The following WRAP53 variants were observed in gnomAD, a reference collection of about 807,000 sequenced individuals.
WRAP53 encodes WD repeat containing antisense to TP53, also known as telomerase Cajal body protein 1.
Under a neutral mutation model 56.6 loss-of-function variants are expected in WRAP53, and 28 were observed. That is an observed-to-expected ratio of 0.50 (90% CI 0.37 to 0.68). The LOEUF (loss-of-function observed/expected upper bound fraction) is 0.68. WRAP53 is among the 30% of genes least tolerant of loss of function. The pLI is 0.00. For missense variants in WRAP53, 671 were observed against 715.5 expected, an observed-to-expected ratio of 0.94 and a Z score of 0.71; for synonymous variants, 283 against 283.4, an observed-to-expected ratio of 1.00 and a Z score of 0.01.
chr17:7,691,914 G>T (rs1056197858), intron 4 of WRAP53, among the ~76,000 whole-genome samples: 5 of 151,752 alleles, frequency 3.3e-5, no homozygotes, highest in Non-Finnish European at 1.5e-5. Flanking sequence ...TCAGCTCACC[G>T]CAACCTCCGC....
chr17:7,696,290 A>ATTTTTTTTTT (rs35901058), intron 4 of WRAP53, among the ~76,000 whole-genome samples: 1 of 79,924 alleles, frequency 1.3e-5, no homozygotes, highest in Non-Finnish European at 2.3e-5. Context: ...GGACTCAGAG[A>ATTTTTTTTTT]TTTTTTTTTT....
intron 4 of WRAP53, among the ~76,000 whole-genome samples, 197 bp from the exon 5 acceptor site, chr17:7,700,544 T>TAATA (rs1440938748): frequency 6.8e-6 from 1 of 147,714 alleles, no homozygotes; most frequent in Non-Finnish European, 1.5e-5. Flanking sequence ...TGTCTCAAAA[T>TAATA]AATAAAAAAA....
chr17:7,702,415 GGCTCCTACGGCC>G lies in WRAP53; in HGVS notation c.1033_1044del (p.Tyr345_Ser348del). On this transcript the variant is annotated inframe_deletion, in exon 8 of 11. Coordinates refer to ENST00000396463, the MANE Select transcript of WRAP53 (RefSeq NM_001143992.2). This position sits in a 1 kb window ranked among gnomAD's most constrained non-coding sequence, Gnocchi z 5.0. ...CCCAGCCCAGCCCCTCTATGCCTGT[GGCTCCTACGGCC>G]GCTCCCTGGGTCTGTATGCCTGGGA... 1 of 1,614,142 alleles carries G rather than the reference GGCTCCTACGGCC, an allele frequency of 6.2e-7. No homozygotes were observed. Among genetic ancestry groups the G allele is most frequent in the Non-Finnish European group, 8.5e-7 (1 of 1,180,032 alleles).
intron 4 of WRAP53, among the ~76,000 whole-genome samples, chr17:7,698,332 TGAGTA>T (rs2074213918): frequency 6.6e-6 from 1 of 152,164 alleles, no homozygotes; most frequent in South Asian, 2.1e-4. Context: ...AATATATTCA[TGAGTA>T]GAGTACTATA....
intron 4 of WRAP53, among the ~76,000 whole-genome samples, chr17:7,699,183 G>T (rs2074225326): frequency 6.6e-6 from 1 of 151,478 alleles, no homozygotes; most frequent in African/African-American, 2.4e-5. Context: ...ACTTTGGGAG[G>T]CTGAGGCAGA....
chr17:7,703,033 G>A lies in WRAP53; in HGVS notation c.1309G>A (p.Val437Ile). 1 of 1,614,130 alleles carries A rather than the reference G, an allele frequency of 6.2e-7. No homozygotes were observed. The part of the protein sequence containing the change: ...FLVSGSTSGA[V>I]SVWDTDGPGN... ...AGTGAGTGGCAGCACGAGCGGGGCT[G>A]TCTCTGTGTGGGACACGGACGGGCC... is the stretch of plus-strand genomic sequence containing the variant. Residue 437 changes from valine (V) to isoleucine (I), a missense_variant, in exon 10 of 11, where the codon GTC becomes ATC. Val to Ile is a conservative substitution (Grantham distance 29). This residue lies in a region of WRAP53 where 158 missense variants were observed against 215.7 expected (regional missense o/e 0.73). Transcript: ENST00000396463.
intron 4 of WRAP53, among the ~76,000 whole-genome samples, chr17:7,694,151 C>T (rs140138912): frequency 2.1e-4 from 32 of 151,190 alleles, no homozygotes; most frequent in African/African-American, 6.8e-4. Context: ...CAGGCATGGT[C>T]GTGATTATGA....
At chr17:7,692,230 A>G (rs1001374632) in intron 4 of WRAP53, among the ~76,000 whole-genome samples, 1 of 152,058 alleles carries the variant, frequency 6.6e-6, no homozygotes, top group African/African-American at 2.4e-5. Flanking sequence ...CTGTAATCCC[A>G]ACACTTTGGG....
rs1016193372 is a variant in WRAP53 at position 7,702,678 on chromosome 17, C to T, written c.1165-65C>T. ...CCCAAGCTGAAGGAGTGCCTGGAGA[C>T]CCCGAGGGAGGCAGGGACATCCAGG... On this transcript the variant is annotated intron_variant, in intron 8 of 10. Coordinates refer to ENST00000396463, the MANE Select transcript of WRAP53 (RefSeq NM_001143992.2). The surrounding 1 kb of genome is among the most constrained non-coding windows in gnomAD (Gnocchi z 5.0). The T allele has an allele frequency of 3.7e-6, 6 of 1,600,046 alleles. No individual in the cohort carries two copies. In the African/African-American group the frequency reaches 6.7e-5, roughly 18 times the overall value.
intron 4 of WRAP53, among the ~76,000 whole-genome samples, chr17:7,689,944 ATATTTC>A (rs2074086793): frequency 6.6e-6 from 1 of 152,054 alleles, no homozygotes; most frequent in African/African-American, 2.4e-5. Flanking sequence ...CAGCATATAT[ATATTTC>A]TATTTCTTAT....
intron 4 of WRAP53, among the ~76,000 whole-genome samples, chr17:7,693,592 G>A (rs556386196): frequency 7.2e-5 from 11 of 151,994 alleles, no homozygotes; most frequent in East Asian, 5.8e-4. Context: ...AGTGGCGGGC[G>A]CCTGTAATCC....
At chr17:7,700,399 C>T (rs2074258097) in intron 4 of WRAP53, among the ~76,000 whole-genome samples, 1 of 151,704 alleles carries the variant, frequency 6.6e-6, no homozygotes, top group Non-Finnish European at 1.5e-5. Context: ...AATCCCAGCA[C>T]TTTTGGAGGC....
chr17:7,693,184 C>CTGTTTT (rs2074137924), intron 4 of WRAP53, among the ~76,000 whole-genome samples: 1 of 147,384 alleles, frequency 6.8e-6, no homozygotes, highest in African/African-American at 2.6e-5. Context: ...TCTTTTTTTT[C>CTGTTTT]TTTTTTTTGA....
In WRAP53 at chr17:7,697,329, AAAAAG is replaced by A. The variant is rs2074199482; in HGVS notation, c.643-3402_643-3398del. On this transcript the variant is annotated intron_variant, in intron 4 of 10. Transcript: ENST00000396463. ...AGGGAGACTCTGCCTCCAAAAAAAA[AAAAAG>A]AAAAGAAAAAGAAAAAAGAGAAGAA... Among the ~76,000 whole-genome samples the A allele has an allele frequency of 2.0e-5, 3 of 150,804 alleles. No individual in the cohort carries two copies. In the South Asian group the frequency reaches 6.3e-4, roughly 32 times the overall value.
intron 4 of WRAP53, among the ~76,000 whole-genome samples, chr17:7,694,163 A>G (rs927399780): frequency 6.6e-5 from 10 of 152,176 alleles, no homozygotes; most frequent in African/African-American, 2.2e-4. Flanking sequence ...TGATTATGAT[A>G]TTAATGATTA....
At chr17:7,693,096 C>T (rs1048398929) in intron 4 of WRAP53, among the ~76,000 whole-genome samples, 2 of 152,046 alleles carry the variant, frequency 1.3e-5, no homozygotes, top group Non-Finnish European at 2.9e-5. Flanking sequence ...GCATGAGTCA[C>T]TGTCTCCACC....
intron 4 of WRAP53, among the ~76,000 whole-genome samples, chr17:7,699,475 T>TA (rs2074234613): frequency 1.2e-3 from 11 of 9,056 alleles, no homozygotes; most frequent in South Asian, 4.1e-3. Flanking sequence ...TATATATATA[T>TA]TTATATATAT....
intron 4 of WRAP53, among the ~76,000 whole-genome samples, chr17:7,699,476 T>TATTTATATATATA (rs2074234978): frequency 8.8e-5 from 1 of 11,400 alleles, no homozygotes; most frequent in Non-Finnish European, 1.3e-4. Flanking sequence ...ATATATATAT[T>TATTTATATATATA]TATATATATA....
chr17:7,697,617 C>T (rs911536699), intron 4 of WRAP53, among the ~76,000 whole-genome samples: 3 of 152,060 alleles, frequency 2.0e-5, no homozygotes, highest in African/African-American at 4.8e-5. Context: ...CAAGATCGTG[C>T]CACTGCACCC....
Sources: gnomAD v4.1 joint callset for allele counts (sites outside exome capture counted in the v4.1 genomes callset) on GRCh38, gnomAD v4.1.1 for gene constraint, gnomAD v4.1.1 regional missense constraint, Gnocchi (gnomAD v3.1) non-coding constraint, MANE v1.5 for transcripts, NCBI Gene and HGNC (gene_info 2026-07-23, HGNC 2026-07-21) for gene names.